Variants in LRRC8A observed in about 807,000 individuals in gnomAD.
LRRC8A encodes the protein volume-regulated anion channel subunit LRRC8A.
A neutral mutation model predicts 52.5 loss-of-function variants in LRRC8A; 24 were observed. That is an observed-to-expected ratio of 0.46 (90% confidence interval 0.33 to 0.64). The LOEUF is 0.64. Ranked by LOEUF, LRRC8A falls within the 30% of genes least tolerant of loss-of-function variation. LRRC8A has a pLI of 0.02. For missense variants in LRRC8A, 677 were observed against 1,094.7 expected (o/e 0.62, Z 5.38); for synonymous variants, 492 against 494.2 (o/e 1.00, Z 0.06).
intron 1 of LRRC8A, chr9:128,882,921 A>G: frequency 2.5e-6 from 1 of 397,340 alleles, no homozygotes. Flanking sequence ...TGAGCTGGAT[A>G]CCCAGCAAAC....
Position 128,902,080 on chromosome 9 carries a change from G to C in LRRC8A, c.-8-5077G>C, listed in dbSNP as rs1840049410. Among the ~76,000 whole-genome samples the C allele has an allele frequency of 6.6e-6, 1 of 152,218 alleles. No individual in the cohort carries two copies. Among genetic ancestry groups the C allele is most frequent in the Non-Finnish European group, 1.5e-5 (1 of 68,034 alleles). ...CAGGCCTGTGAGAGACTCCAGTCCA[G>C]GCCCTTCTCAGCTCTGCAGCCAGCC... On this transcript the variant is annotated intron_variant, in intron 2 of 3. Transcript: ENST00000372600. The surrounding 1 kb of genome is among the most constrained non-coding windows in gnomAD (Gnocchi z 4.1).
chr9:128,899,258 C>T lies in LRRC8A; in HGVS notation c.-8-7899C>T, dbSNP rs1416376417. 1.3e-5 allele frequency among the ~76,000 whole-genome samples: 2 copies of T among 152,198 alleles called. No homozygotes were observed. Among genetic ancestry groups the T allele is most frequent in the East Asian group, 3.9e-4 (2 of 5,188 alleles). The stretch of plus-strand genomic sequence containing the variant: ...CGCAGTGCCAGCTGAGAGGGCCGAG[C>T]ACAGGGAGGATAAGCAAGGGCACTT... On this transcript the variant is annotated intron_variant, in intron 2 of 3. Coordinates refer to ENST00000372600, the MANE Select transcript of LRRC8A (RefSeq NM_019594.4). This position sits in a 1 kb window ranked among gnomAD's most constrained non-coding sequence, Gnocchi z 4.0.
rs191920250 is a variant in LRRC8A, at chr9:128,910,930, G to A, written c.2157+1609G>A. ...TGCATCTGCCATGCAGCAGCCCCAC[G>A]GTGCAGTCCCTGTTGGTTTCGTGGG... On this transcript the variant is annotated intron_variant, in intron 3 of 3. Coordinates refer to ENST00000372600, the MANE Select transcript of LRRC8A (RefSeq NM_019594.4). Among the ~76,000 whole-genome samples the A allele has an allele frequency of 1.8e-3, 276 of 152,278 alleles. 1 individual carries two copies. The highest frequency in any genetic ancestry group is 2.8e-3 in the Non-Finnish European group (193 of 68,024).
intron 3 of LRRC8A, among the ~76,000 whole-genome samples, chr9:128,914,033 C>T (rs975806596): frequency 2.0e-5 from 3 of 152,102 alleles, no homozygotes; most frequent in Non-Finnish European, 2.9e-5. Context: ...AATGAAACCC[C>T]GTCTCTGCAA....
intron 2 of LRRC8A, among the ~76,000 whole-genome samples, chr9:128,888,374 C>T (rs1014531573): frequency 1.3e-5 from 2 of 152,090 alleles, no homozygotes; most frequent in African/African-American, 4.8e-5. Context: ...GTTCAGGGGA[C>T]ACACATGAAT....
intron 2 of LRRC8A, among the ~76,000 whole-genome samples, chr9:128,906,684 C>T (rs1229383651): frequency 1.3e-5 from 2 of 152,178 alleles, no homozygotes; most frequent in Non-Finnish European, 2.9e-5. Flanking sequence ...ATGTTGCTTT[C>T]TTTCCTCATA....
intron 2 of LRRC8A, among the ~76,000 whole-genome samples, chr9:128,890,130 T>TTGTA (rs763526912): frequency 2.3e-5 from 3 of 128,210 alleles, no homozygotes; most frequent in Non-Finnish European, 3.3e-5. Flanking sequence ...TGGCTTCATT[T>TTGTA]TGTGTGTGTG....
rs553949342 is a variant in LRRC8A, at chr9:128,899,812, G to A, written c.-8-7345G>A. Among the ~76,000 whole-genome samples, 1 of 152,320 alleles carries A rather than the reference G, an allele frequency of 6.6e-6. No homozygotes were observed. The highest frequency in any genetic ancestry group is 2.4e-5 in the African/African-American group (1 of 41,560). On this transcript the variant is annotated intron_variant, in intron 2 of 3. Coordinates refer to ENST00000372600, the MANE Select transcript of LRRC8A (RefSeq NM_019594.4). This position sits in a 1 kb window ranked among gnomAD's most constrained non-coding sequence, Gnocchi z 4.0. ...CGAGATGAAGAGAGTTCTGTGTATGGTGGTGATGGTTGCACAACAGTGAAT... is the reference window on the plus strand; with the variant it reads ...CGAGATGAAGAGAGTTCTGTGTATGATGGTGATGGTTGCACAACAGTGAAT...
At chr9:128,897,645 A>G (rs1355321841) in intron 2 of LRRC8A, among the ~76,000 whole-genome samples, 1 of 151,894 alleles carries the variant, frequency 6.6e-6, no homozygotes, top group East Asian at 1.9e-4. Flanking sequence ...CCTGGGTTCA[A>G]GTGATTGTCC....
At chr9:128,891,853 AG>A (rs1228612508) in intron 2 of LRRC8A, among the ~76,000 whole-genome samples, 3 of 152,084 alleles carry the variant, frequency 2.0e-5, no homozygotes, top group African/African-American at 7.2e-5. Context: ...CACAATGGAA[AG>A]TCGGGCTTGG....
At position 128,916,045 on chromosome 9, in the gene LRRC8A, C is replaced by G. The variant is rs376518155; in HGVS notation, c.2158-51C>G. On this transcript the variant is annotated intron_variant, in intron 3 of 3. Coordinates refer to ENST00000372600, the MANE Select transcript of LRRC8A (RefSeq NM_019594.4). This position sits in a 1 kb window ranked among gnomAD's most constrained non-coding sequence, Gnocchi z 6.1. The stretch of plus-strand genomic sequence containing the variant: ...GAGAGGGAAGGGAAGCCCAGAGGCC[C>G]CGTCCAAGCCCACACCCACCTCACT... The G allele has an allele frequency of 5.2e-6, 8 of 1,548,460 alleles. No homozygotes were observed. In the African/African-American group the frequency reaches 8.2e-5, roughly 16 times the overall value.
rs1840836393 is a variant in LRRC8A, at chr9:128,916,679, G to A, written c.*308G>A. 2 of 324,954 alleles carry A rather than the reference G, an allele frequency of 6.2e-6. No individual in the cohort carries two copies. Among genetic ancestry groups the A allele is most frequent in the African/African-American group, 4.1e-5 (2 of 48,384 alleles). The allele number at this position is 324,954 out of a possible 1,614,324, so 20.1% of individuals were successfully genotyped here. A position where few individuals can be genotyped will look rare whatever the true frequency, so the allele number is the denominator to read the frequency against. On this transcript the variant is annotated 3_prime_UTR_variant, in exon 4 of 4. Coordinates refer to ENST00000372600, the MANE Select transcript of LRRC8A (RefSeq NM_019594.4). This position sits in a 1 kb window ranked among gnomAD's most constrained non-coding sequence, Gnocchi z 6.1. ...CCAGCTCTGCCCCAGGGGCTGAGCT[G>A]CCACCAGAGGTCCTGGGACCCTCAC...
chr9:128,916,443 T>G lies in LRRC8A; in HGVS notation c.*72T>G. On this transcript the variant is annotated 3_prime_UTR_variant, in exon 4 of 4. Coordinates refer to ENST00000372600, the MANE Select transcript of LRRC8A (RefSeq NM_019594.4). This position sits in a 1 kb window ranked among gnomAD's most constrained non-coding sequence, Gnocchi z 6.1. ...TCAGGCCCGGAGGGGCAGGCCTAGC[T>G]TCTCCCAGAACTCCCGGACAGCCAG... 6.6e-7 allele frequency: 1 copy of G among 1,508,300 alleles called. No individual in the cohort carries two copies. The highest frequency in any genetic ancestry group is 2.0e-5 in the Admixed American group (1 of 48,822). 93.4% of individuals were successfully genotyped at this position (1,508,300 alleles called of 1,614,324 possible).
At position 128,907,213 on chromosome 9, in the gene LRRC8A, T is replaced by A; in HGVS notation, c.49T>A (p.Tyr17Asn). The A allele has an allele frequency of 6.2e-7, 1 of 1,613,442 alleles. No homozygotes were observed. Among genetic ancestry groups the A allele is most frequent in the Non-Finnish European group, 8.5e-7 (1 of 1,179,458 alleles). ...LRYFADTQPA[Y>N]RILKPWWDVF... The stretch of plus-strand genomic sequence containing the variant: ...CTACTTTGCGGACACGCAGCCAGCA[T>A]ACCGGATCCTGAAGCCGTGGTGGGA... Residue 17 changes from tyrosine (Y) to asparagine (N), a missense_variant, in exon 3 of 4, where the codon TAC becomes AAC. Physicochemically the swap from Tyr to Asn is moderately radical, Grantham distance 143 (BLOSUM62 -2). Coordinates refer to ENST00000372600, the MANE Select transcript of LRRC8A (RefSeq NM_019594.4). The surrounding 1 kb of genome is among the most constrained non-coding windows in gnomAD (Gnocchi z 9.3).
chr9:128,910,205 G>T (rs1840448599), intron 3 of LRRC8A, among the ~76,000 whole-genome samples: 1 of 152,216 alleles, frequency 6.6e-6, no homozygotes, highest in African/African-American at 2.4e-5. Flanking sequence ...GGGACCTGCA[G>T]GTTTTCCTGG....
In LRRC8A at chr9:128,908,478, C is replaced by T; in HGVS notation, c.1314C>T (p.Ile438=). The T allele has an allele frequency of 1.2e-6, 2 of 1,613,134 alleles. No individual in the cohort carries two copies. The highest frequency in any genetic ancestry group is 8.5e-7 in the Non-Finnish European group (1 of 1,180,004). The change falls in exon 3 of 4, where the codon ATC becomes ATT. Residue 438 remains isoleucine (I), a synonymous_variant. Coordinates refer to ENST00000372600, the MANE Select transcript of LRRC8A (RefSeq NM_019594.4). ...TGCACCTGTTCATGCTCAGTGGCAT[C>T]CCTGACACTGTGTTTGACCTGGTGG... is the stretch of plus-strand genomic sequence containing the variant. The part of the protein sequence containing the change: ...LELHLFMLSG[I]PDTVFDLVEL...
rs1433648927 is a variant in LRRC8A at position 128,907,360 on chromosome 9, A to G, written c.196A>G (p.Asn66Asp). Residue 66 changes from asparagine to aspartate, a missense_variant, in exon 3 of 4, where the codon AAT (asparagine) becomes GAT (aspartate). Physicochemically the swap from Asn to Asp is conservative, Grantham distance 23. Transcript: ENST00000372600. The surrounding 1 kb of genome is among the most constrained non-coding windows in gnomAD (Gnocchi z 9.3). The part of the protein sequence containing the change: ...PCKWVTKDSC[N>D]DSFRGWAAPG... ...TAAGTGGGTCACCAAGGACTCCTGC[A>G]ATGATTCGTTCCGGGGCTGGGCAGC... 5 of 1,613,784 alleles carry G rather than the reference A, an allele frequency of 3.1e-6. No homozygotes were observed. Among genetic ancestry groups the G allele is most frequent in the Non-Finnish European group, 4.2e-6 (5 of 1,180,004 alleles).
intron 3 of LRRC8A, among the ~76,000 whole-genome samples, chr9:128,915,763 A>G (rs1325358599): frequency 1.3e-5 from 2 of 152,206 alleles, no homozygotes; most frequent in Non-Finnish European, 2.9e-5. Context: ...TCCCAGGGCC[A>G]GGTGCTGGAA....
chr9:128,890,751 A>G (rs1300673484), intron 2 of LRRC8A, among the ~76,000 whole-genome samples: 1 of 152,204 alleles, frequency 6.6e-6, no homozygotes, highest in Admixed American at 6.5e-5. Flanking sequence ...TCTCTAGGGT[A>G]CTGGTGGCCA....
Sources: allele counts gnomAD v4.1 joint callset (sites outside exome capture counted in the v4.1 genomes callset), GRCh38; gene constraint gnomAD v4.1.1; non-coding constraint Gnocchi (gnomAD v3.1); transcripts MANE v1.5; gene names NCBI Gene and HGNC (gene_info 2026-07-23, HGNC 2026-07-21).